The following SLC2A13 variants were observed in gnomAD, a reference collection of about 807,000 sequenced individuals.
The protein encoded by SLC2A13 is solute carrier family 2 member 13.
SLC2A13 carries 32 observed loss-of-function variants against 64.4 expected under a neutral mutation model. That is an observed-to-expected ratio of 0.50 (90% CI 0.37 to 0.67). The LOEUF (loss-of-function observed/expected upper bound fraction) is 0.67. SLC2A13 is among the 30% of genes least tolerant of loss of function. The probability of loss-of-function intolerance (pLI) is 0.00; values close to 1 mark genes in which losing one functional copy is unlikely to be tolerated. For synonymous variants in SLC2A13, 338 were observed against 327.1 expected (o/e 1.03, Z -0.36); for missense variants, 743 against 829.2 (o/e 0.90, Z 1.28).
chr12:39,931,414 G>A (rs1217746371), intron 4 of SLC2A13, among the ~76,000 whole-genome samples: 1 of 152,016 alleles, frequency 6.6e-6, no homozygotes, highest in East Asian at 1.9e-4. Flanking sequence ...AGCCCTATTC[G>A]CCTGCCAGCA....
intron 3 of SLC2A13, among the ~76,000 whole-genome samples, chr12:39,980,105 T>C (rs1322334208): frequency 6.6e-6 from 1 of 151,540 alleles, no homozygotes; most frequent in Non-Finnish European, 1.5e-5. Flanking sequence ...ATAAAATACT[T>C]TATAGACAAG....
At chr12:39,769,389 C>T (rs1940478698) in intron 7 of SLC2A13, among the ~76,000 whole-genome samples, 1 of 152,026 alleles carries the variant, frequency 6.6e-6, no homozygotes, top group African/African-American at 2.4e-5. Flanking sequence ...GGACTTGATA[C>T]ATTTGAATCT....
At chr12:39,978,100 T>G (rs1946797561) in intron 3 of SLC2A13, among the ~76,000 whole-genome samples, 1 of 152,198 alleles carries the variant, frequency 6.6e-6, no homozygotes, top group South Asian at 2.1e-4. Context: ...GAAGTAAGCC[T>G]TCAATACATT....
At chr12:40,087,405 T>C (rs1177425623) in intron 1 of SLC2A13, among the ~76,000 whole-genome samples, 2 of 152,320 alleles carry the variant, frequency 1.3e-5, no homozygotes, top group East Asian at 3.9e-4. Flanking sequence ...TTAGTTGTAA[T>C]ACTTTAGAAG....
At chr12:39,995,668 G>A (rs750684835) in intron 3 of SLC2A13, among the ~76,000 whole-genome samples, 38 of 152,118 alleles carry the variant, frequency 2.5e-4, no homozygotes, top group Non-Finnish European at 4.6e-4. Context: ...CATCTGATAT[G>A]GTTTGGCTGT....
chr12:40,064,870 T>C (rs1937664374), intron 1 of SLC2A13, among the ~76,000 whole-genome samples: 1 of 152,104 alleles, frequency 6.6e-6, no homozygotes, highest in Non-Finnish European at 1.5e-5. Flanking sequence ...CAAATAAAAA[T>C]TCAATCTAAA....
At chr12:39,820,702 C>A (rs1942469261) in intron 7 of SLC2A13, among the ~76,000 whole-genome samples, 1 of 68,774 alleles carries the variant, frequency 1.5e-5, no homozygotes, top group African/African-American at 6.0e-5. Flanking sequence ...TAATCTTCGG[C>A]TTAAATTTTT....
chr12:39,791,270 C>A (rs1429308600), intron 7 of SLC2A13, among the ~76,000 whole-genome samples: 23 of 132,532 alleles, frequency 1.7e-4, no homozygotes, highest in Non-Finnish European at 2.7e-4. Context: ...CAATATCATA[C>A]TGAATGGGCA....
rs552487247 is a variant in SLC2A13, at chr12:39,839,551, G to C, written c.1320-9323C>G. On this transcript the variant is annotated intron_variant, in intron 6 of 9. Transcript: ENST00000280871. ...TTCCAACATACTATTATCATTTGGTGATAAGATTTTCTAAAAATTTTCCCT... is the reference window on the plus strand; with the variant it reads ...TTCCAACATACTATTATCATTTGGTCATAAGATTTTCTAAAAATTTTCCCT... Among the ~76,000 whole-genome samples, 11 of 147,902 alleles carry C rather than the reference G, an allele frequency of 7.4e-5. 1 individual carries two copies. Among genetic ancestry groups the C allele is most frequent in the Admixed American group, 7.3e-4 (11 of 15,036 alleles).
chr12:40,103,077 T>C (rs1239177543), intron 1 of SLC2A13, among the ~76,000 whole-genome samples: 1 of 152,150 alleles, frequency 6.6e-6, no homozygotes, highest in African/African-American at 2.4e-5. Context: ...ATGGAGAACA[T>C]ATCTAAACTG....
chr12:39,896,580 G>T (rs978315237), intron 4 of SLC2A13, among the ~76,000 whole-genome samples: 1 of 143,916 alleles, frequency 6.9e-6, no homozygotes, highest in African/African-American at 2.6e-5. Flanking sequence ...ATGTATGTGT[G>T]TATATATGTA....
chr12:40,073,288 T>C (rs1188963521), intron 1 of SLC2A13, among the ~76,000 whole-genome samples: 2 of 152,032 alleles, frequency 1.3e-5, no homozygotes, highest in African/African-American at 2.4e-5. Context: ...GATATATGTA[T>C]GTAACAGAAA....
chr12:39,827,559 A>G (rs1015577562), intron 7 of SLC2A13, among the ~76,000 whole-genome samples: 1 of 152,114 alleles, frequency 6.6e-6, no homozygotes, highest in Non-Finnish European at 1.5e-5. Flanking sequence ...ATTTCTTTCA[A>G]GTTCTGCTGT....
intron 3 of SLC2A13, among the ~76,000 whole-genome samples, chr12:39,991,077 C>T (rs1947130812): frequency 6.6e-6 from 1 of 152,142 alleles, no homozygotes; most frequent in Admixed American, 6.5e-5. Context: ...CTCTGATTTG[C>T]AGACAGTTAT....
chr12:39,978,435 CCAGA>C (rs1217880636), intron 3 of SLC2A13, among the ~76,000 whole-genome samples: 4 of 152,166 alleles, frequency 2.6e-5, no homozygotes, highest in African/African-American at 9.7e-5. Flanking sequence ...CTGGGGAGTG[CCAGA>C]CAGTGGGCGC....
At chr12:40,099,900 G>GA (rs28365177) in intron 1 of SLC2A13, among the ~76,000 whole-genome samples, 31 of 146,084 alleles carry the variant, frequency 2.1e-4, no homozygotes, top group Admixed American at 2.0e-4. Flanking sequence ...GGGAGTAGTG[G>GA]AAAAAAAAAA....
chr12:40,052,468 A>G (rs1227703575), intron 1 of SLC2A13, among the ~76,000 whole-genome samples: 1 of 152,140 alleles, frequency 6.6e-6, no homozygotes, highest in African/African-American at 2.4e-5. Flanking sequence ...GTTAAGACCA[A>G]AAAAGACAAA....
Position 39,755,702 on chromosome 12 carries a change from T to C in SLC2A13, c.*4324A>G, listed in dbSNP as rs1240002058. 5 of 152,074 alleles carry C rather than the reference T, an allele frequency of 3.3e-5. No individual in the cohort carries two copies. The highest frequency in any genetic ancestry group is 2.1e-4 in the South Asian group (1 of 4,832). 9.4% of individuals were successfully genotyped at this position (152,074 alleles called of 1,614,324 possible). ...CATGACAAAATCAAACACATGAACT[T>C]AACTGTCTAAAATAAAAATGTGAAT... On this transcript the variant is annotated 3_prime_UTR_variant, in exon 10 of 10. Transcript: ENST00000280871.
intron 6 of SLC2A13, among the ~76,000 whole-genome samples, chr12:39,852,491 C>T (rs1446684245): frequency 6.6e-6 from 1 of 152,196 alleles, no homozygotes; most frequent in African/African-American, 2.4e-5. Context: ...GTTCATTGAT[C>T]ATGACTCACA....
Sources: allele counts gnomAD v4.1 joint callset (sites outside exome capture counted in the v4.1 genomes callset), GRCh38; gene constraint gnomAD v4.1.1; transcripts MANE v1.5; gene names NCBI Gene and HGNC (gene_info 2026-07-23, HGNC 2026-07-21).